B4GALNT3: variants seen among roughly 807,000 people sequenced by gnomAD.
B4GALNT3 encodes beta-1,4-N-acetylgalactosaminyltransferase 3.
B4GALNT3 carries 86 observed loss-of-function variants against 120.2 expected under a neutral mutation model. That is an observed-to-expected ratio of 0.72 (90% confidence interval 0.60 to 0.86). B4GALNT3 has a LOEUF of 0.86. Among genes scored for constraint, B4GALNT3 ranks in the 40% least tolerant of loss-of-function variants. The probability of loss-of-function intolerance (pLI) is 0.00; values close to 1 mark genes in which losing one functional copy is unlikely to be tolerated. For synonymous variants in B4GALNT3, 518 were observed against 510.4 expected (o/e 1.01, Z -0.20); for missense variants, 1,167 against 1,298.9 (o/e 0.90, Z 1.56).
chr12:473,924 A>G (rs11063140), intron 1 of B4GALNT3, among the ~76,000 whole-genome samples: 6,249 of 152,238 alleles, frequency 0.041, 318 homozygotes, highest in African/African-American at 0.11. Context: ...AGCTTGGAGG[A>G]TGAGGGGGCT....
At chr12:513,020 CCTTCCACCTTCCACCTT>C (rs1386940413) in intron 1 of B4GALNT3, among the ~76,000 whole-genome samples, 2 of 149,046 alleles carry the variant, frequency 1.3e-5, no homozygotes, top group Non-Finnish European at 3.0e-5. Context: ...CCGCCTTCCA[CCTTCCACCTTCCACCTT>C]CTTCCACCTT....
At chr12:502,678 G>C (rs1946456907) in intron 1 of B4GALNT3, among the ~76,000 whole-genome samples, 1 of 152,244 alleles carries the variant, frequency 6.6e-6, no homozygotes, top group South Asian at 2.1e-4. Context: ...GATTTGCAGA[G>C]GGTAGCGACC....
At chr12:489,468 G>T (rs1946321489) in intron 1 of B4GALNT3, among the ~76,000 whole-genome samples, 2 of 152,166 alleles carry the variant, frequency 1.3e-5, no homozygotes, top group African/African-American at 4.8e-5. Flanking sequence ...TTTTAACTGT[G>T]AATGGTCGAA....
intron 19 of B4GALNT3, among the ~76,000 whole-genome samples, chr12:560,931 CGTGT>C (rs3043266): frequency 0.021 from 3,206 of 152,296 alleles, 113 homozygotes; most frequent in African/African-American, 0.067. Flanking sequence ...CCGTCTATGA[CGTGT>C]GCCCTGGAGG....
rs534683006 is a variant in B4GALNT3 at position 551,425 on chromosome 12, A to G, written c.1107+394A>G. On this transcript the variant is annotated intron_variant, in intron 11 of 19. Coordinates refer to ENST00000266383, the MANE Select transcript of B4GALNT3 (RefSeq NM_173593.4). ...AAACCCAGAGACCAGGCACTGGGGG[A>G]AAAAGAGCTATGGAGGGGAAGTTAG... is the stretch of plus-strand genomic sequence containing the variant. 2.6e-5 allele frequency among the ~76,000 whole-genome samples: 4 copies of G among 152,314 alleles called. No homozygotes were observed. In the East Asian group the frequency reaches 7.7e-4, roughly 29 times the overall value.
rs1946846185 is a variant in B4GALNT3, at chr12:535,201, G to C, written c.205G>C (p.Ala69Pro). 6.2e-7 allele frequency: 1 copy of C among 1,613,804 alleles called. No individual in the cohort carries two copies. The highest frequency in any genetic ancestry group is 8.5e-7 in the Non-Finnish European group (1 of 1,179,936). ...CTGGAGAGAACTGGCCAAGGCTCTG[G>C]CCAGCAGGAACATTCCAGCTGTGGA... ...GSWRELAKAL[A>P]SRNIPAVDPH... Residue 69 changes from alanine (A) to proline (P), a missense_variant, in exon 2 of 20, where the codon GCC (alanine) becomes CCC (proline). This residue lies in a region of B4GALNT3 where 171 missense variants were observed against 161.3 expected (regional missense o/e 1.06). Transcript: ENST00000266383.
At chr12:535,103 T>C in intron 1 of B4GALNT3, 63 bp from the exon 2 acceptor site, 1 of 1,395,746 alleles carries the variant, frequency 7.2e-7, no homozygotes, top group South Asian at 1.2e-5. Context: ...CTCCCAAATC[T>C]TTTAGGTGTA....
chr12:483,981 T>G (rs1250184129), intron 1 of B4GALNT3, among the ~76,000 whole-genome samples: 1 of 152,204 alleles, frequency 6.6e-6, no homozygotes, highest in Non-Finnish European at 1.5e-5. Context: ...TAAATCTCTC[T>G]AATTTGTTTC....
At chr12:546,278 G>A (rs1947007855) in intron 6 of B4GALNT3, among the ~76,000 whole-genome samples, 3 of 148,636 alleles carry the variant, frequency 2.0e-5, no homozygotes, top group Non-Finnish European at 3.0e-5. Flanking sequence ...GGTGGGAGGA[G>A]TGGGGCAGAG....
Position 547,967 on chromosome 12 carries a change from C to A in B4GALNT3, c.708-57C>A, listed in dbSNP as rs181878287. ...GTGCTGGAAGGGGGTGGGACAGAGC[C>A]GCGACCCCAGGGCCCATGGAGATGG... On this transcript the variant is annotated intron_variant, in intron 7 of 19. Coordinates refer to ENST00000266383, the MANE Select transcript of B4GALNT3 (RefSeq NM_173593.4). 8.8e-6 allele frequency: 13 copies of A among 1,482,586 alleles called. No individual in the cohort carries two copies. The Admixed American group carries it at 1.5e-4, about 17-fold the overall frequency. The allele number at this position is 1,482,586 out of a possible 1,614,324, so 91.8% of individuals were successfully genotyped here.
intron 1 of B4GALNT3, among the ~76,000 whole-genome samples, chr12:492,861 G>C (rs1235865246): frequency 1.3e-5 from 2 of 150,582 alleles, no homozygotes; most frequent in Non-Finnish European, 3.0e-5. Context: ...ATGCAATGTG[G>C]TAAAGATAGT....
intron 11 of B4GALNT3, 75 bp from the exon 12 acceptor site, chr12:551,988 G>A (rs1947088831): frequency 3.4e-6 from 4 of 1,180,346 alleles, no homozygotes; most frequent in Non-Finnish European, 3.8e-6. Flanking sequence ...GCCAGGGGCA[G>A]GCTTAACCCT....
rs925928490 is a variant in B4GALNT3 at position 561,583 on chromosome 12, C to T, written c.*132C>T. On this transcript the variant is annotated 3_prime_UTR_variant, in exon 20 of 20. Coordinates refer to ENST00000266383, the MANE Select transcript of B4GALNT3 (RefSeq NM_173593.4). ...AAGAGGCCTCGAAGCTGACGGCCCA[C>T]TCCACCTGGAGCTGTCCCCTCACAG... is the stretch of plus-strand genomic sequence containing the variant. The T allele has an allele frequency of 1.5e-5, 10 of 687,358 alleles. No individual in the cohort carries two copies. The highest frequency in any genetic ancestry group is 2.6e-5 in the Admixed American group (1 of 38,662). The allele number at this position is 687,358 out of a possible 1,614,324, so 42.6% of individuals were successfully genotyped here. A position where few individuals can be genotyped will look rare whatever the true frequency, so the allele number is the denominator to read the frequency against.
chr12:484,198 T>C (rs1386203857), intron 1 of B4GALNT3, among the ~76,000 whole-genome samples: 2 of 152,172 alleles, frequency 1.3e-5, no homozygotes, highest in African/African-American at 4.8e-5. Flanking sequence ...GCCTCCCTGC[T>C]CTTAGCATCC....
intron 13 of B4GALNT3, 52 bp downstream of exon 13, chr12:552,580 G>A (rs1947098172): frequency 1.9e-6 from 3 of 1,569,954 alleles, no homozygotes; most frequent in East Asian, 2.2e-5. Context: ...GGCGACCATG[G>A]TCTGTTTCCA....
At position 548,104 on chromosome 12, in the gene B4GALNT3, T is replaced by A. The variant is rs1565609010; in HGVS notation, c.786+2T>A. Reference sequence around the variant, plus strand: ...GGCACCGACCACGTGGAAGTTGCAGTGAGTTTCCTGCTGCTCCCGCCTCTC... The same window carrying A: ...GGCACCGACCACGTGGAAGTTGCAGAGAGTTTCCTGCTGCTCCCGCCTCTC... On this transcript the variant is annotated splice_donor_variant, in intron 8 of 19. Transcript: ENST00000266383. LOFTEE classifies it high-confidence loss of function. This position sits in a 1 kb window ranked among gnomAD's most constrained non-coding sequence, Gnocchi z 4.9. 1.2e-6 allele frequency: 2 copies of A among 1,613,380 alleles called. No homozygotes were observed. The highest frequency in any genetic ancestry group is 2.2e-5 in the South Asian group (2 of 91,038).
chr12:503,825 G>C, intron 1 of B4GALNT3, among the ~76,000 whole-genome samples: 1 of 152,098 alleles, frequency 6.6e-6, no homozygotes. Context: ...TCTTAAAAGT[G>C]TAAAAGTGGC....
intron 1 of B4GALNT3, among the ~76,000 whole-genome samples, chr12:524,793 G>T (rs1002965139): frequency 6.6e-6 from 1 of 152,182 alleles, no homozygotes; most frequent in Non-Finnish European, 1.5e-5. Flanking sequence ...AATACCTACC[G>T]TAAGGATTGT....
At chr12:489,339 A>AC (rs1185293098) in intron 1 of B4GALNT3, among the ~76,000 whole-genome samples, 1 of 151,854 alleles carries the variant, frequency 6.6e-6, no homozygotes, top group East Asian at 1.9e-4. Context: ...AAAAAAAAAA[A>AC]AACCCACAAA....
Sources: gnomAD v4.1 joint callset for allele counts (sites outside exome capture counted in the v4.1 genomes callset) on GRCh38, gnomAD v4.1.1 for gene constraint, gnomAD v4.1.1 regional missense constraint, Gnocchi (gnomAD v3.1) non-coding constraint, MANE v1.5 for transcripts, NCBI Gene and HGNC (gene_info 2026-07-23, HGNC 2026-07-21) for gene names.